Variants in MAGI1 observed in about 807,000 individuals in gnomAD.
MAGI1 encodes membrane-associated guanylate kinase, WW and PDZ domain-containing protein 1.
Under a neutral mutation model 139.9 loss-of-function variants are expected in MAGI1, and 58 were observed. The ratio of observed to expected loss-of-function variants is 0.41; its 90% CI spans 0.34 to 0.52. MAGI1 has a LOEUF of 0.52. Ranked by LOEUF, MAGI1 falls within the 20% of genes least tolerant of loss-of-function variation. MAGI1 has a pLI of 0.12. For synonymous variants in MAGI1, 812 were observed against 737.9 expected, an observed-to-expected ratio of 1.10 and a Z score of -1.63; for missense variants, 1,874 against 1,901.6, an observed-to-expected ratio of 0.99 and a Z score of 0.27.
At chr3:65,742,764 G>A (rs561109301) in intron 1 of MAGI1, among the ~76,000 whole-genome samples, 1 of 152,260 alleles carries the variant, frequency 6.6e-6, no homozygotes, top group East Asian at 1.9e-4. Context: ...GGATTCTGCT[G>A]AGCTGGTAAC....
chr3:65,793,148 G>C (rs577200746), intron 1 of MAGI1, among the ~76,000 whole-genome samples: 48 of 152,306 alleles, frequency 3.2e-4, no homozygotes, highest in African/African-American at 1.2e-3. Flanking sequence ...CAGGGATGTT[G>C]GAAGGCACAA....
At chr3:65,385,817 C>A (rs1320926429) in intron 14 of MAGI1, among the ~76,000 whole-genome samples, 1 of 152,204 alleles carries the variant, frequency 6.6e-6, no homozygotes, top group Non-Finnish European at 1.5e-5. Context: ...GTAATATTTT[C>A]TTGAGCACGC....
intron 3 of MAGI1, among the ~76,000 whole-genome samples, chr3:65,490,821 G>C (rs1336202438): frequency 8.5e-6 from 1 of 117,046 alleles, no homozygotes; most frequent in East Asian, 2.7e-4. Context: ...TCCAGCCTGG[G>C]CGACAGAGCG....
intron 1 of MAGI1, among the ~76,000 whole-genome samples, chr3:65,645,331 T>C (rs1246172347): frequency 6.6e-6 from 1 of 151,550 alleles, no homozygotes; most frequent in East Asian, 1.9e-4. Context: ...ATAGAAAAAA[T>C]AGAGTGACAG....
chr3:65,794,003 C>G (rs551977034), intron 1 of MAGI1, among the ~76,000 whole-genome samples: 21 of 152,234 alleles, frequency 1.4e-4, no homozygotes, highest in African/African-American at 5.1e-4. Context: ...CACTGCCTTC[C>G]TTTTTCCTCG....
chr3:65,589,658 C>G (rs547142883), intron 2 of MAGI1, among the ~76,000 whole-genome samples: 3 of 151,380 alleles, frequency 2.0e-5, no homozygotes, highest in African/African-American at 7.3e-5. Context: ...GCTGTGTAGT[C>G]TCTGTCACAA....
intron 1 of MAGI1, among the ~76,000 whole-genome samples, chr3:65,646,612 G>A (rs1378150282): frequency 6.6e-6 from 1 of 151,810 alleles, no homozygotes; most frequent in Non-Finnish European, 1.5e-5. Context: ...TTTTTCAAGT[G>A]CCCACAGAAC....
At chr3:65,438,027 TGG>T (rs1947970137) in intron 9 of MAGI1, among the ~76,000 whole-genome samples, 1 of 152,178 alleles carries the variant, frequency 6.6e-6, no homozygotes, top group African/African-American at 2.4e-5. Context: ...GTCCCACTAC[TGG>T]GTATCTGAAG....
At chr3:65,689,603 A>G (rs992686618) in intron 1 of MAGI1, among the ~76,000 whole-genome samples, 2 of 152,202 alleles carry the variant, frequency 1.3e-5, no homozygotes, top group Admixed American at 1.3e-4. Context: ...AGAAGCCCAC[A>G]GACAAGGAAA....
At chr3:65,403,733 T>A (rs1183879526) in intron 12 of MAGI1, among the ~76,000 whole-genome samples, 1 of 152,218 alleles carries the variant, frequency 6.6e-6, no homozygotes, top group African/African-American at 2.4e-5. Context: ...TGCTAATCAT[T>A]TGTAAGACTC....
chr3:65,470,530 A>AT, intron 4 of MAGI1, 46 bp from the exon 5 acceptor site: 1 of 1,331,592 alleles, frequency 7.5e-7, no homozygotes, highest in Non-Finnish European at 1.1e-6. Flanking sequence ...AGAGAAAAAA[A>AT]AAAAATGGTA....
chr3:65,493,622 C>A lies in MAGI1; in HGVS notation c.440G>T (p.Arg147Leu), dbSNP rs775563326. 1.2e-6 allele frequency: 2 copies of A among 1,613,916 alleles called. No homozygotes were observed. Among genetic ancestry groups the A allele is most frequent in the East Asian group, 2.2e-5 (1 of 44,876 alleles). ...LYRHAVPCTT[R>L]SPREGEVPGV... is the part of the protein sequence containing the mutation. ...AGGCACTTCTCCTTCTCTGGGAGAT[C>A]GGGTTGTGCCTGTAGCAGAAAATAC... The change falls in exon 3 of 23, where the codon CGA becomes CTA. Residue 147 changes from arginine (R) to leucine (L), a missense_variant. By Grantham distance (102) the Arg-to-Leu change is moderately radical. This residue lies in a region of MAGI1 where 648 missense variants were observed against 598.1 expected (regional missense o/e 1.08). Transcript: ENST00000402939.
At chr3:65,522,126 G>C (rs1466653507) in intron 2 of MAGI1, among the ~76,000 whole-genome samples, 2 of 152,144 alleles carry the variant, frequency 1.3e-5, no homozygotes, top group African/African-American at 4.8e-5. Flanking sequence ...TGGCCTAAAA[G>C]TGTTAATATA....
At chr3:65,686,731 G>T (rs2088072101) in intron 1 of MAGI1, among the ~76,000 whole-genome samples, 1 of 152,214 alleles carries the variant, frequency 6.6e-6, no homozygotes, top group Non-Finnish European at 1.5e-5. Flanking sequence ...TGGACAGGAA[G>T]TGAAACGCCA....
intron 2 of MAGI1, among the ~76,000 whole-genome samples, chr3:65,568,458 A>G (rs1212423267): frequency 2.0e-5 from 3 of 152,192 alleles, no homozygotes; most frequent in Non-Finnish European, 1.5e-5. Flanking sequence ...TTGGTGAAAC[A>G]GTGAGTCGGG....
intron 1 of MAGI1, among the ~76,000 whole-genome samples, chr3:65,625,562 A>G (rs2083925552): frequency 1.3e-5 from 2 of 152,130 alleles, no homozygotes. Context: ...CTGTCACAAG[A>G]TTGTTGTGAG....
intron 1 of MAGI1, among the ~76,000 whole-genome samples, chr3:65,919,399 C>T (rs1299603703): frequency 6.6e-6 from 1 of 151,612 alleles, no homozygotes; most frequent in Non-Finnish European, 1.5e-5. Context: ...CCCATCTCTA[C>T]AAAAAAATTT....
chr3:66,018,115 G>GC (rs369710638), intron 1 of MAGI1, among the ~76,000 whole-genome samples: 29 of 129,364 alleles, frequency 2.2e-4, no homozygotes, highest in African/African-American at 7.3e-4. Context: ...CACTTTGGTG[G>GC]GGGGGGGGGG....
chr3:65,383,413 G>A, intron 15 of MAGI1, 119 bp downstream of exon 15: 1 of 730,052 alleles, frequency 1.4e-6, no homozygotes. Context: ...CACTACTCAA[G>A]ATTAAAGAGT....
Sources: allele counts gnomAD v4.1 joint callset (sites outside exome capture counted in the v4.1 genomes callset), GRCh38; gene constraint gnomAD v4.1.1; regional missense constraint gnomAD v4.1.1; transcripts MANE v1.5; gene names NCBI Gene and HGNC (gene_info 2026-07-23, HGNC 2026-07-21).